Variants in STRIP2 observed in about 807,000 individuals in gnomAD.
The protein encoded by STRIP2 is striatin interacting protein 2, also known as striatin-interacting protein 2.
In STRIP2, 84 loss-of-function variants were observed where a neutral mutation model predicts 107.1. The ratio of observed to expected loss-of-function variants is 0.78; its 90% CI spans 0.66 to 0.94. STRIP2 has a LOEUF of 0.94. Among genes scored for constraint, STRIP2 ranks in the 40% least tolerant of loss-of-function variants. STRIP2 has a pLI of 0.00. For synonymous variants in STRIP2, 394 were observed against 400.4 expected (o/e 0.98, Z 0.19); for missense variants, 888 against 1,034.2 (o/e 0.86, Z 1.94).
intron 18 of STRIP2, among the ~76,000 whole-genome samples, chr7:129,476,571 C>T (rs1179647300): frequency 6.6e-6 from 1 of 151,568 alleles, no homozygotes; most frequent in Non-Finnish European, 1.5e-5. Context: ...CTCCTCACAT[C>T]CCAGACGGGG....
chr7:129,463,475 A>G (rs907054301), intron 14 of STRIP2, among the ~76,000 whole-genome samples: 3 of 151,274 alleles, frequency 2.0e-5, no homozygotes, highest in Middle Eastern at 3.5e-3. Flanking sequence ...TGTTCCTTCC[A>G]TCTTCCCCTT....
At position 129,458,460 on chromosome 7, in the gene STRIP2, A is replaced by G. The variant is rs1028884448; in HGVS notation, c.1274+10A>G. 1.2e-5 allele frequency: 19 copies of G among 1,555,148 alleles called. No homozygotes were observed. The highest frequency in any genetic ancestry group is 1.7e-5 in the Non-Finnish European group (19 of 1,150,874). On this transcript the variant is annotated intron_variant, in intron 10 of 20. Coordinates refer to ENST00000249344, the MANE Select transcript of STRIP2 (RefSeq NM_020704.3). This position sits in a 1 kb window ranked among gnomAD's most constrained non-coding sequence, Gnocchi z 4.6. ...GGGCCCCAAAGGTCAGGTAGGTTTG[A>G]TAGCATCAGGGACCCCTATGCTTCG... is the stretch of plus-strand genomic sequence containing the variant.
At chr7:129,448,740 TG>T in intron 3 of STRIP2, among the ~76,000 whole-genome samples, 1 of 152,262 alleles carries the variant, frequency 6.6e-6, no homozygotes, top group Admixed American at 6.5e-5. Context: ...GATGGTCGAG[TG>T]CTTCCACTTG....
In STRIP2 at chr7:129,444,222, A is replaced by G. The variant is rs181548319; in HGVS notation, c.274+124A>G. On this transcript the variant is annotated intron_variant, in intron 3 of 20. Coordinates refer to ENST00000249344, the MANE Select transcript of STRIP2 (RefSeq NM_020704.3). ...CCTCTGTATTAGTTAGGGTTCTCTT[A>G]GAGGGATAGAACTAATATGATAAAT... 1,101 of 659,738 alleles carry G rather than the reference A, an allele frequency of 1.7e-3. 15 individuals carry two copies. The African/African-American group carries it at 0.019, about 11-fold the overall frequency. The allele number at this position is 659,738 out of a possible 1,614,324, so 40.9% of individuals were successfully genotyped here.
chr7:129,439,488 A>G (rs1797840349), intron 1 of STRIP2, among the ~76,000 whole-genome samples: 1 of 152,252 alleles, frequency 6.6e-6, no homozygotes, highest in Admixed American at 6.5e-5. Context: ...GTCATGGGAA[A>G]TGTAATCTTT....
chr7:129,454,793 C>T (rs1353225044), intron 7 of STRIP2, among the ~76,000 whole-genome samples: 2 of 152,180 alleles, frequency 1.3e-5, no homozygotes, highest in Non-Finnish European at 2.9e-5. Flanking sequence ...ATTCCTCTCC[C>T]ACTCTATCAC....
intron 13 of STRIP2, among the ~76,000 whole-genome samples, chr7:129,462,613 A>C (rs1277862016): frequency 6.6e-6 from 1 of 152,196 alleles, no homozygotes; most frequent in Non-Finnish European, 1.5e-5. Context: ...ACTTCCTTTT[A>C]AACCCACACT....
rs113024758 is a variant in STRIP2, at chr7:129,485,337, C to G, written c.2255-242C>G. 6.7e-3 allele frequency among the ~76,000 whole-genome samples: 1,016 copies of G among 151,610 alleles called. 13 individuals are homozygous for G. The highest frequency in any genetic ancestry group is 0.024 in the African/African-American group (982 of 41,362). ...CATAGGTAACCACTATTACCAGTTT[C>G]TAGACTACCCTTCCAAAGATAATTT... On this transcript the variant is annotated intron_variant, in intron 20 of 20. Coordinates refer to ENST00000249344, the MANE Select transcript of STRIP2 (RefSeq NM_020704.3).
intron 1 of STRIP2, 21 bp downstream of exon 1, chr7:129,434,622 C>T (rs1347146045): frequency 6.8e-7 from 1 of 1,463,032 alleles, no homozygotes; most frequent in Admixed American, 2.4e-5. Context: ...CGGAAAGCTT[C>T]GGCTGGGGCC....
At position 129,461,041 on chromosome 7, in the gene STRIP2, C is replaced by T. The variant is rs1309217277; in HGVS notation, c.1476+669C>T. Among the ~76,000 whole-genome samples the T allele has an allele frequency of 6.6e-6, 1 of 152,180 alleles. No homozygotes were observed. Among genetic ancestry groups the T allele is most frequent in the East Asian group, 1.9e-4 (1 of 5,192 alleles). ...AAAGATTGGACCAGAAAAGCATAGA[C>T]GCACTCTACGGAGATTAGTTAGAAA... is the stretch of plus-strand genomic sequence containing the variant. On this transcript the variant is annotated intron_variant, in intron 13 of 20. Transcript: ENST00000249344. This position sits in a 1 kb window ranked among gnomAD's most constrained non-coding sequence, Gnocchi z 4.0.
At position 129,468,135 on chromosome 7, in the gene STRIP2, A is replaced by G. The variant is rs547603051; in HGVS notation, c.1877+685A>G. Among the ~76,000 whole-genome samples the G allele has an allele frequency of 3.3e-5, 5 of 152,316 alleles. No individual in the cohort carries two copies. The East Asian group carries it at 7.7e-4, about 24-fold the overall frequency. ...CCAGCCAAGCAGGGACTTGGGGATT[A>G]CAGAGTAGATCCTTGTTCCTTAATA... On this transcript the variant is annotated intron_variant, in intron 17 of 20. Transcript: ENST00000249344.
At chr7:129,470,795 C>T in intron 18 of STRIP2, 80 bp downstream of exon 18, 1 of 1,120,500 alleles carries the variant, frequency 8.9e-7, no homozygotes, top group Non-Finnish European at 1.4e-6. Flanking sequence ...TCTTCTCCAA[C>T]CCCTTAATGC....
chr7:129,438,054 C>T (rs1448307214), intron 1 of STRIP2, among the ~76,000 whole-genome samples: 1 of 152,164 alleles, frequency 6.6e-6, no homozygotes, highest in Non-Finnish European at 1.5e-5. Flanking sequence ...ATCCGCCCAC[C>T]TCGGCCTCCC....
intron 7 of STRIP2, 138 bp downstream of exon 7, chr7:129,454,665 CAG>C (rs1798295160): frequency 1.6e-6 from 1 of 645,028 alleles, no homozygotes. Context: ...TTTTAGGACA[CAG>C]ATACTGCATG....
rs115852717 is a variant in STRIP2, at chr7:129,434,782, C to T, written c.129+181C>T. ...TCTTTGGCCCGGACCAGTGTCCGCC[C>T]GTCTCCTGCCGCGGGTTGGGGGCTT... On this transcript the variant is annotated intron_variant, in intron 1 of 20. Transcript: ENST00000249344. Among the ~76,000 whole-genome samples, 1,387 of 152,378 alleles carry T rather than the reference C, an allele frequency of 9.1e-3. 21 individuals carry two copies. Among genetic ancestry groups the T allele is most frequent in the African/African-American group, 0.031 (1,306 of 41,600 alleles).
At position 129,483,507 on chromosome 7, in the gene STRIP2, C is replaced by T; in HGVS notation, c.2254+461C>T. ...CTCCAGATCTTTTTCTATGCATATA[C>T]ATGCATATTTTATCAAAATGAAAGC... On this transcript the variant is annotated intron_variant, in intron 20 of 20. Coordinates refer to ENST00000249344, the MANE Select transcript of STRIP2 (RefSeq NM_020704.3). The surrounding 1 kb of genome is among the most constrained non-coding windows in gnomAD (Gnocchi z 5.1). The T allele has an allele frequency of 2.0e-5, 4 of 198,836 alleles. No individual in the cohort carries two copies. The highest frequency in any genetic ancestry group is 3.6e-5 in the Non-Finnish European group (4 of 109,918). 12.3% of individuals were successfully genotyped at this position (198,836 alleles called of 1,614,324 possible).
At position 129,458,894 on chromosome 7, in the gene STRIP2, G is replaced by GTTA; in HGVS notation, c.1340+117_1340+118insTTA. ...TCATAATGTAACCTAGAGCCCCTAG[G>GTTA]CCATGGACAACTCCCAGTGACTACT... On this transcript the variant is annotated intron_variant, in intron 11 of 20. Transcript: ENST00000249344. This position sits in a 1 kb window ranked among gnomAD's most constrained non-coding sequence, Gnocchi z 4.6. 1 of 936,244 alleles carries GTTA rather than the reference G, an allele frequency of 1.1e-6. No homozygotes were observed. Among genetic ancestry groups the GTTA allele is most frequent in the Non-Finnish European group, 1.7e-6 (1 of 591,514 alleles). The allele number at this position is 936,244 out of a possible 1,614,324, so 58.0% of individuals were successfully genotyped here.
At position 129,439,939 on chromosome 7, in the gene STRIP2, G is replaced by T. The variant is rs374038661; in HGVS notation, c.130-83G>T. ...CTAACCTTGGCCTCCATGAGGGGAA[G>T]AAGATAAATAAGGGTACAGTCTTCC... On this transcript the variant is annotated intron_variant, in intron 1 of 20. Transcript: ENST00000249344. 7.9e-5 allele frequency: 87 copies of T among 1,094,858 alleles called. 3 individuals carry two copies. In the African/African-American group the frequency reaches 1.2e-3, roughly 15 times the overall value. 67.8% of individuals were successfully genotyped at this position (1,094,858 alleles called of 1,614,324 possible). A position where few individuals can be genotyped will look rare whatever the true frequency, so the allele number is the denominator to read the frequency against.
chr7:129,439,261 A>G (rs1797833212), intron 1 of STRIP2, among the ~76,000 whole-genome samples: 1 of 152,204 alleles, frequency 6.6e-6, no homozygotes, highest in Non-Finnish European at 1.5e-5. Flanking sequence ...TGTACCAGGA[A>G]CCAGGGGCAA....
Sources: gnomAD v4.1 joint callset for allele counts (sites outside exome capture counted in the v4.1 genomes callset) on GRCh38, gnomAD v4.1.1 for gene constraint, Gnocchi (gnomAD v3.1) non-coding constraint, MANE v1.5 for transcripts, NCBI Gene and HGNC (gene_info 2026-07-23, HGNC 2026-07-21) for gene names.